Variants in MELTF observed in about 807,000 individuals in gnomAD.
MELTF encodes melanotransferrin, also known as antigen p97 (melanoma associated) identified by monoclonal antibodies 133.2 and 96.5.
A neutral mutation model predicts 83.7 loss-of-function variants in MELTF; 67 were observed. That is an observed-to-expected ratio of 0.80 (90% CI 0.66 to 0.98). The LOEUF (loss-of-function observed/expected upper bound fraction) is 0.98, where lower values mean the gene tolerates loss of function less well. Among genes scored for constraint, MELTF ranks in the 50% least tolerant of loss-of-function variants. The pLI, the probability that MELTF is intolerant of heterozygous loss-of-function variation, is 0.00. For synonymous variants in MELTF, 462 were observed against 447.6 expected (o/e 1.03, Z -0.41); for missense variants, 1,002 against 1,035.6 (o/e 0.97, Z 0.44).
chr3:197,023,199 C>T (rs1325259626), intron 4 of MELTF, 86 bp from the exon 5 acceptor site: 1 of 1,314,856 alleles, frequency 7.6e-7, no homozygotes, highest in Non-Finnish European at 1.1e-6. Context: ...GGCCCGGGCT[C>T]TCATCTGGAC....
chr3:197,004,801 G>A (rs1718918902), intron 14 of MELTF: 1 of 152,254 alleles, frequency 6.6e-6, no homozygotes, highest in Non-Finnish European at 1.5e-5. Flanking sequence ...GAGTCAGGTG[G>A]CTCTCAGTCT....
chr3:197,022,085 T>C lies in MELTF; in HGVS notation c.645-614A>G, dbSNP rs551166727. Among the ~76,000 whole-genome samples the C allele has an allele frequency of 3.3e-5, 5 of 152,306 alleles. No individual in the cohort carries two copies. Among genetic ancestry groups the C allele is most frequent in the African/African-American group, 1.2e-4 (5 of 41,562 alleles). Reference sequence around the variant, plus strand: ...GGGATTGGACTAGAAGGCCTTTTCATGCCATGCCGCAGAATCCTCAGTGGA... The same window carrying C: ...GGGATTGGACTAGAAGGCCTTTTCACGCCATGCCGCAGAATCCTCAGTGGA... On this transcript the variant is annotated intron_variant, in intron 5 of 15. Transcript: ENST00000296350. The surrounding 1 kb of genome is among the most constrained non-coding windows in gnomAD (Gnocchi z 5.1).
rs1719407354 is a variant in MELTF at position 197,017,117 on chromosome 3, G to A, written c.886C>T (p.Leu296Phe). The A allele has an allele frequency of 2.5e-6, 4 of 1,612,178 alleles. No homozygotes were observed. Among genetic ancestry groups the A allele is most frequent in the Non-Finnish European group, 1.7e-6 (2 of 1,179,666 alleles). ...DTDGGLIFRL[L>F]NEGQRLFSHE... Reference sequence around the variant, plus strand: ...CCTGAGCCCACCTGGCCTTCGTTGAGCAGCCGGAAGATGAGGCCCCCATCT... The same window carrying A: ...CCTGAGCCCACCTGGCCTTCGTTGAACAGCCGGAAGATGAGGCCCCCATCT... The change falls in exon 7 of 16, where the codon CTC (leucine) becomes TTC (phenylalanine). Residue 296 changes from leucine (L) to phenylalanine (F), a missense_variant. Transcript: ENST00000296350.
At chr3:197,005,652 T>C (rs1042410471) in intron 14 of MELTF, among the ~76,000 whole-genome samples, 2 of 152,076 alleles carry the variant, frequency 1.3e-5, no homozygotes, top group African/African-American at 4.8e-5. Flanking sequence ...GGGGAAGGTG[T>C]TTCCAGGAGG....
At position 197,003,501 on chromosome 3, in the gene MELTF, C is replaced by T; in HGVS notation, c.2138-50G>A. The stretch of plus-strand genomic sequence containing the variant: ...GCCCCGAAGCCCGGGCCGCGGTGGC[C>T]GCCTCAGGCGCCCGCTCTGGGGTGG... On this transcript the variant is annotated intron_variant, in intron 15 of 15. Transcript: ENST00000296350. This position sits in a 1 kb window ranked among gnomAD's most constrained non-coding sequence, Gnocchi z 6.2. The T allele has an allele frequency of 3.5e-6, 3 of 861,760 alleles. No individual in the cohort carries two copies. The highest frequency in any genetic ancestry group is 4.2e-6 in the Non-Finnish European group (3 of 715,190). 53.4% of individuals were successfully genotyped at this position (861,760 alleles called of 1,614,324 possible).
chr3:197,017,041 C>T lies in MELTF; in HGVS notation c.900+62G>A, dbSNP rs932922215. 2.4e-5 allele frequency: 37 copies of T among 1,546,962 alleles called. No individual in the cohort carries two copies. In the Admixed American group the frequency reaches 3.0e-4, roughly 13 times the overall value. ...CCCCTCCTGGTCCCACCCTGCTGAGCGACCACAAGGCCCGGCACCATCTAG... is the reference window on the plus strand; with the variant it reads ...CCCCTCCTGGTCCCACCCTGCTGAGTGACCACAAGGCCCGGCACCATCTAG... On this transcript the variant is annotated intron_variant, in intron 7 of 15. Coordinates refer to ENST00000296350, the MANE Select transcript of MELTF (RefSeq NM_005929.6).
chr3:197,025,213 A>G (rs2148592826), intron 3 of MELTF, among the ~76,000 whole-genome samples: 1 of 152,388 alleles, frequency 6.6e-6, no homozygotes. Context: ...ACACGCAGGC[A>G]TGCACGCGTG....
chr3:197,006,446 CTCAATTTCTCT>C lies in MELTF; in HGVS notation c.1938+92_1938+102del, dbSNP rs1395471792. The stretch of plus-strand genomic sequence containing the variant: ...AATCACAGAATTTCCCCCGGGCTTC[CTCAATTTCTCT>C]AGAGGTCTGCTCCAGGTAGACTGAG... On this transcript the variant is annotated intron_variant, in intron 14 of 15. Coordinates refer to ENST00000296350, the MANE Select transcript of MELTF (RefSeq NM_005929.6). The surrounding 1 kb of genome is among the most constrained non-coding windows in gnomAD (Gnocchi z 5.4). The C allele has an allele frequency of 9.5e-7, 1 of 1,056,676 alleles. No homozygotes were observed. The highest frequency in any genetic ancestry group is 1.7e-5 in the African/African-American group (1 of 59,942). The allele number at this position is 1,056,676 out of a possible 1,614,324, so 65.5% of individuals were successfully genotyped here. A position where few individuals can be genotyped will look rare whatever the true frequency, so the allele number is the denominator to read the frequency against.
rs1054175378 is a variant in MELTF at position 197,024,071 on chromosome 3, T to C, written c.487+232A>G. Among the ~76,000 whole-genome samples, 1 of 147,800 alleles carries C rather than the reference T, an allele frequency of 6.8e-6. No individual in the cohort carries two copies. ...GGCTGTGCCATGTGGGACACCACGA[T>C]GCGTGAGCAAGAATCGCGCCCCACA... On this transcript the variant is annotated intron_variant, in intron 4 of 15. Transcript: ENST00000296350. This position sits in a 1 kb window ranked among gnomAD's most constrained non-coding sequence, Gnocchi z 5.3.
intron 2 of MELTF, 54 bp from the exon 3 acceptor site, chr3:197,026,813 G>T: frequency 6.5e-7 from 1 of 1,541,570 alleles, no homozygotes. Flanking sequence ...GCTCAGCAAA[G>T]AACTCGGGAC....
chr3:197,029,717 TGGCTGGGGCCGGGCTGG>T lies in MELTF; in HGVS notation c.-32_-16del, dbSNP rs1720014677. 8.1e-6 allele frequency: 10 copies of T among 1,235,900 alleles called. No homozygotes were observed. Among genetic ancestry groups the T allele is most frequent in the Non-Finnish European group, 1.0e-5 (10 of 990,276 alleles). 76.6% of individuals were successfully genotyped at this position (1,235,900 alleles called of 1,614,324 possible). ...GGACCCCGCATGGCGCCGTCGGGGCTGGCTGGGGCCGGGCTGGGGCTGGGTCCGGGTCCGAGGAGGTC... is the reference window on the plus strand; with the variant it reads ...GGACCCCGCATGGCGCCGTCGGGGCTGGCTGGGTCCGGGTCCGAGGAGGTC... On this transcript the variant is annotated 5_prime_UTR_variant, in exon 1 of 16. Transcript: ENST00000296350. This position sits in a 1 kb window ranked among gnomAD's most constrained non-coding sequence, Gnocchi z 6.5.
chr3:197,023,240 C>A, intron 4 of MELTF, 127 bp from the exon 5 acceptor site: 1 of 979,180 alleles, frequency 1.0e-6, no homozygotes. Flanking sequence ...CTTCCAGCTT[C>A]AGTCTGAGCA....
chr3:197,028,119 C>T (rs949826279), intron 1 of MELTF: 26 of 568,172 alleles, frequency 4.6e-5, no homozygotes, highest in Non-Finnish European at 5.9e-5. Context: ...ACCAGGAGCA[C>T]GGCTGCTGGC....
At chr3:197,015,982 C>T (rs923306305) in intron 8 of MELTF, among the ~76,000 whole-genome samples, 1 of 152,234 alleles carries the variant, frequency 6.6e-6, no homozygotes. Flanking sequence ...CCCGCTGCGG[C>T]CAGGTGGGGC....
chr3:197,013,216 G>A (rs536771447), intron 9 of MELTF, among the ~76,000 whole-genome samples: 1 of 152,322 alleles, frequency 6.6e-6, no homozygotes, highest in South Asian at 2.1e-4. Context: ...TTAACCCGCA[G>A]TTTTACAGCC....
rs943812997 is a variant in MELTF, at chr3:197,002,570, G to C, written c.*802C>G. On this transcript the variant is annotated 3_prime_UTR_variant, in exon 16 of 16. Transcript: ENST00000296350. ...CCCTTCAGGGGCCTCGGGAGCCCGC[G>C]GCCTGGGTCACCTCCGGCTCCCTTC... The C allele has an allele frequency of 6.6e-6, 1 of 152,222 alleles. No homozygotes were observed. The highest frequency in any genetic ancestry group is 6.5e-5 in the Admixed American group (1 of 15,290). The allele number at this position is 152,222 out of a possible 1,614,324, so 9.4% of individuals were successfully genotyped here. A position where few individuals can be genotyped will look rare whatever the true frequency, so the allele number is the denominator to read the frequency against.
At chr3:197,012,845 C>A (rs2148582268) in intron 9 of MELTF, among the ~76,000 whole-genome samples, 1 of 152,222 alleles carries the variant, frequency 6.6e-6, no homozygotes, top group Admixed American at 6.5e-5. Flanking sequence ...TGGGTCATGA[C>A]AAGTGTCAGG....
At chr3:197,020,841 T>A (rs1719595301) in intron 6 of MELTF, among the ~76,000 whole-genome samples, 1 of 152,108 alleles carries the variant, frequency 6.6e-6, no homozygotes, top group African/African-American at 2.4e-5. Flanking sequence ...GCTAGTTTTT[T>A]GTATTTTAGC....
chr3:197,016,203 A>C lies in MELTF; in HGVS notation c.1067T>G (p.Leu356Arg). Residue 356 changes from leucine (L) to arginine (R), a missense_variant, in exon 8 of 16, where the codon CTC becomes CGC. Physicochemically the swap from Leu to Arg is moderately radical, Grantham distance 102. Transcript: ENST00000296350. Reference sequence around the variant, plus strand: ...GGTGGACTTACGGTTGGGGTCACAGAGCAGACCCTTCATGGCGTGCAGGTA... The same window carrying C: ...GGTGGACTTACGGTTGGGGTCACAGCGCAGACCCTTCATGGCGTGCAGGTA... Reference protein sequence around the residue: ...HEYLHAMKGLLCDPNRLPPYL... With the variant: ...HEYLHAMKGLRCDPNRLPPYL... 5.1e-6 allele frequency: 8 copies of C among 1,569,254 alleles called. No individual in the cohort carries two copies. The highest frequency in any genetic ancestry group is 6.9e-6 in the Non-Finnish European group (8 of 1,157,678).
Sources: gnomAD v4.1 joint callset for allele counts (sites outside exome capture counted in the v4.1 genomes callset) on GRCh38, gnomAD v4.1.1 for gene constraint, Gnocchi (gnomAD v3.1) non-coding constraint, MANE v1.5 for transcripts, NCBI Gene and HGNC (gene_info 2026-07-23, HGNC 2026-07-21) for gene names.